The following SNUPN variants were observed in gnomAD, a reference collection of about 807,000 sequenced individuals.
SNUPN encodes the protein snurportin 1, also known as snurportin-1.
Under a neutral mutation model 39.2 loss-of-function variants are expected in SNUPN, and 31 were observed. The observed-to-expected ratio is 0.79, with a 90% CI of 0.59 to 1.07. The LOEUF is 1.07. SNUPN is among the 50% of genes least tolerant of loss of function. The pLI is 0.00. For synonymous variants in SNUPN, 132 were observed against 159.0 expected (o/e 0.83, Z 1.28); for missense variants, 382 against 434.2 (o/e 0.88, Z 1.07).
At chr15:75,623,637 G>A (rs1893133606) in intron 1 of SNUPN, among the ~76,000 whole-genome samples, 1 of 151,856 alleles carries the variant, frequency 6.6e-6, no homozygotes, top group East Asian at 1.9e-4. Context: ...TAGAGAAGAG[G>A]TTTCATTATG....
chr15:75,606,321 C>T (rs561048601), intron 6 of SNUPN, among the ~76,000 whole-genome samples: 84 of 151,962 alleles, frequency 5.5e-4, no homozygotes, highest in Admixed American at 1.3e-3. Context: ...ACCTAGTATG[C>T]GGGAATGGCT....
At position 75,598,151 on chromosome 15, in the gene SNUPN, C is replaced by G. The variant is rs1357460704; in HGVS notation, c.*207G>C. On this transcript the variant is annotated 3_prime_UTR_variant, in exon 9 of 9. Transcript: ENST00000308588. Reference sequence around the variant, plus strand: ...TACACTTATCACAGTAGGAGCTGCTCAAATCAATCTGAATGCTACGCAATC... The same window carrying G: ...TACACTTATCACAGTAGGAGCTGCTGAAATCAATCTGAATGCTACGCAATC... The G allele has an allele frequency of 3.6e-6, 2 of 550,312 alleles. No individual in the cohort carries two copies. Among genetic ancestry groups the G allele is most frequent in the African/African-American group, 1.9e-5 (1 of 53,236 alleles). The allele number at this position is 550,312 out of a possible 1,614,324, so 34.1% of individuals were successfully genotyped here.
rs757153093 is a variant in SNUPN, at chr15:75,598,685, T to C, written c.760-4A>G. On this transcript the variant is annotated splice_region_variant and splice_polypyrimidine_tract_variant and intron_variant, in intron 8 of 8. Transcript: ENST00000308588. Reference sequence around the variant, plus strand: ...GGTAGAAGAGAAGTCCATCTACCTATAAGACAAGGGGAAATTGAGGATCAA... The same window carrying C: ...GGTAGAAGAGAAGTCCATCTACCTACAAGACAAGGGGAAATTGAGGATCAA... The C allele has an allele frequency of 6.3e-6, 10 of 1,588,126 alleles. No individual in the cohort carries two copies. The highest frequency in any genetic ancestry group is 4.5e-5 in the South Asian group (4 of 89,048).
Position 75,601,166 on chromosome 15 carries a change from T to A in SNUPN, c.731A>T (p.Asp244Val). 6.2e-7 allele frequency: 1 copy of A among 1,613,780 alleles called. No homozygotes were observed. The highest frequency in any genetic ancestry group is 8.5e-7 in the Non-Finnish European group (1 of 1,179,734). The change falls in exon 8 of 9, where the codon GAT (aspartate) becomes GTT (valine). Residue 244 changes from aspartate to valine, a missense_variant. Asp to Val is a radical substitution (Grantham distance 152, BLOSUM62 -3). Coordinates refer to ENST00000308588, the MANE Select transcript of SNUPN (RefSeq NM_005701.4). ...NFPCTPESLC[D>V]VLSMDFPFEV... ...AAAAGGGAAATCCATAGATAGCACA[T>A]CACACAGGCTTTCGGGAGTGCAAGG...
At position 75,617,436 on chromosome 15, in the gene SNUPN, T is replaced by C; in HGVS notation, c.275A>G (p.Lys92Arg). The C allele has an allele frequency of 6.2e-7, 1 of 1,614,156 alleles. No homozygotes were observed. Among genetic ancestry groups the C allele is most frequent in the Admixed American group, 1.7e-5 (1 of 59,992 alleles). Residue 92 changes from lysine (K) to arginine (R), a missense_variant, in exon 3 of 9, where the codon AAG (lysine) becomes AGG (arginine). Transcript: ENST00000308588. Reference protein sequence around the residue: ...DDEEMDIDTVKKLPKHYANQL... With the variant: ...DDEEMDIDTVRKLPKHYANQL... ...ATTAGCATAGTGTTTTGGTAACTTC[T>C]TGACAGTGTCAATGTCCATTTCTTC...
intron 2 of SNUPN, among the ~76,000 whole-genome samples, chr15:75,620,332 C>A (rs555522338): frequency 6.6e-6 from 1 of 152,250 alleles, no homozygotes; most frequent in East Asian, 1.9e-4. Flanking sequence ...ATCGGCCCTG[C>A]CTTCAGAGTA....
chr15:75,605,068 T>A (rs1333012863), intron 7 of SNUPN, 82 bp downstream of exon 7: 17 of 847,426 alleles, frequency 2.0e-5, no homozygotes, highest in Middle Eastern at 2.3e-4. Flanking sequence ...GATCATTTCA[T>A]ACATAATGAT....
At chr15:75,600,900 G>A (rs2075280165) in intron 8 of SNUPN, 2 of 424,894 alleles carry the variant, frequency 4.7e-6, no homozygotes, top group Non-Finnish European at 8.7e-6. Flanking sequence ...TCTGTAAGAT[G>A]AGGGAGTTGG....
intron 5 of SNUPN, among the ~76,000 whole-genome samples, 159 bp from the exon 6 acceptor site, chr15:75,607,472 A>G (rs1595983661): frequency 6.8e-6 from 1 of 147,158 alleles, no homozygotes; most frequent in Admixed American, 6.9e-5. Flanking sequence ...TGGGGAGAGA[A>G]CCCTGCCTGG....
chr15:75,600,939 T>C, intron 8 of SNUPN, 199 bp downstream of exon 8: 1 of 509,410 alleles, frequency 2.0e-6, no homozygotes, highest in South Asian at 2.1e-5. Context: ...GCCCTTCCAG[T>C]GCCAGCATTC....
At chr15:75,620,548 A>T (rs9944207) in intron 2 of SNUPN, among the ~76,000 whole-genome samples, 53,975 of 152,076 alleles carry the variant, frequency 0.35, 10,879 homozygotes, top group African/African-American at 0.53. Context: ...GCCAAACACA[A>T]GCATCCCAGG....
intron 8 of SNUPN, 67 bp from the exon 9 acceptor site, chr15:75,598,748 A>G: frequency 7.7e-7 from 1 of 1,298,136 alleles, no homozygotes; most frequent in African/African-American, 1.5e-5. Flanking sequence ...GAGAGCCTAT[A>G]CACACAAGGG....
At position 75,598,675 on chromosome 15, in the gene SNUPN, C is replaced by T. The variant is rs752185005; in HGVS notation, c.766G>A (p.Gly256Arg). 8 of 1,598,278 alleles carry T rather than the reference C, an allele frequency of 5.0e-6. No homozygotes were observed. Among genetic ancestry groups the T allele is most frequent in the Non-Finnish European group, 4.3e-6 (5 of 1,168,258 alleles). Residue 256 changes from glycine to arginine, a missense_variant, in exon 9 of 9, where the codon GGA becomes AGA. Gly to Arg is a moderately radical substitution (Grantham distance 125). Coordinates refer to ENST00000308588, the MANE Select transcript of SNUPN (RefSeq NM_005701.4). ...LSMDFPFEVD[G>R]LLFYHKQTHY... ...GTCTGTTTGTGGTAGAAGAGAAGTCCATCTACCTATAAGACAAGGGGAAAT... is the reference window on the plus strand; with the variant it reads ...GTCTGTTTGTGGTAGAAGAGAAGTCTATCTACCTATAAGACAAGGGGAAAT...
In SNUPN at chr15:75,621,037, A is replaced by C; in HGVS notation, c.15T>G (p.Ser5Arg). 6.2e-7 allele frequency: 1 copy of C among 1,613,836 alleles called. No homozygotes were observed. Among genetic ancestry groups the C allele is most frequent in the Non-Finnish European group, 8.5e-7 (1 of 1,179,968 alleles). MEEL[S>R]QALASSFSVS... Reference sequence around the variant, plus strand: ...CAGAAAAGCTACTAGCCAGGGCCTGACTCAACTCTTCCATCTTCCCTACAA... The same window carrying C: ...CAGAAAAGCTACTAGCCAGGGCCTGCCTCAACTCTTCCATCTTCCCTACAA... Residue 5 changes from serine (S) to arginine (R), a missense_variant, in exon 2 of 9, where the codon AGT becomes AGG. Coordinates refer to ENST00000308588, the MANE Select transcript of SNUPN (RefSeq NM_005701.4).
intron 5 of SNUPN, among the ~76,000 whole-genome samples, chr15:75,608,049 C>A (rs1892677677): frequency 6.6e-6 from 1 of 152,024 alleles, no homozygotes; most frequent in African/African-American, 2.4e-5. Flanking sequence ...ATGGGTGGGA[C>A]AAAGCCTGCA....
rs563476930 is a variant in SNUPN, at chr15:75,612,336, C to CA, written c.304-2343dup. ...GTATGAGCCACTGTGCCTGGCCTCC[C>CA]ATACCTCTTTCTTATCCTCCCCACT... On this transcript the variant is annotated intron_variant, in intron 3 of 8. Transcript: ENST00000308588. Among the ~76,000 whole-genome samples, 494 of 151,934 alleles carry CA rather than the reference C, an allele frequency of 3.3e-3. 1 individual carries two copies. The highest frequency in any genetic ancestry group is 0.014 in the Middle Eastern group (4 of 294).
chr15:75,617,477 T>C lies in SNUPN; in HGVS notation c.234A>G (p.Glu78=). 1 of 1,614,204 alleles carries C rather than the reference T, an allele frequency of 6.2e-7. No individual in the cohort carries two copies. Among genetic ancestry groups the C allele is most frequent in the Non-Finnish European group, 8.5e-7 (1 of 1,180,030 alleles). ...CCATTTCTTCATCATCTTTCTTATT[T>C]TCTTCCTCACTCTCCATCCCTGTCC... ...DDWTGMESEE[E]NKKDDEEMDI... is the part of the protein sequence containing the mutation. Residue 78 remains glutamate (E), a synonymous_variant, in exon 3 of 9, where the codon GAA becomes GAG. Transcript: ENST00000308588.
At chr15:75,599,080 A>G (rs949316964) in intron 8 of SNUPN, among the ~76,000 whole-genome samples, 1 of 152,000 alleles carries the variant, frequency 6.6e-6, no homozygotes, top group Admixed American at 6.6e-5. Context: ...GAGACACGAC[A>G]ACCGCTTGAA....
chr15:75,622,428 G>A (rs1359231795), intron 1 of SNUPN: 11 of 985,134 alleles, frequency 1.1e-5, no homozygotes, highest in Non-Finnish European at 1.2e-5. Flanking sequence ...AGTACATTAG[G>A]GAAACAAGAC....
Sources: allele counts gnomAD v4.1 joint callset (sites outside exome capture counted in the v4.1 genomes callset), GRCh38; gene constraint gnomAD v4.1.1; transcripts MANE v1.5; gene names NCBI Gene and HGNC (gene_info 2026-07-23, HGNC 2026-07-21).